Variants in ARL5B observed in about 807,000 individuals in gnomAD.
ARL5B encodes the protein ADP-ribosylation factor-like protein 5B.
ARL5B carries 10 observed loss-of-function variants against 26.9 expected under a neutral mutation model. The ratio of observed to expected loss-of-function variants is 0.37; its 90% CI spans 0.23 to 0.63. ARL5B has a LOEUF of 0.63. Ranked by LOEUF, ARL5B falls within the 30% of genes least tolerant of loss-of-function variation. The pLI is 0.62. For synonymous variants in ARL5B, 87 were observed against 70.4 expected (o/e 1.24, Z -1.18); for missense variants, 167 against 213.9 (o/e 0.78, Z 1.37).
At position 18,675,227 on chromosome 10, in the gene ARL5B, TG is replaced by T. The variant is rs768150470; in HGVS notation, c.*12del. On this transcript the variant is annotated 3_prime_UTR_variant, in exon 6 of 6. Coordinates refer to ENST00000377275, the MANE Select transcript of ARL5B (RefSeq NM_178815.5). ...ATTGGTGTGAGATAACTTTTTTGCT[TG>T]AAAGAGACTGCTCTATTTATTCTGT... is the stretch of plus-strand genomic sequence containing the variant. 6.2e-7 allele frequency: 1 copy of T among 1,611,832 alleles called. No individual in the cohort carries two copies. The highest frequency in any genetic ancestry group is 1.1e-5 in the South Asian group (1 of 91,022).
chr10:18,662,725 A>G (rs912714354), intron 1 of ARL5B, among the ~76,000 whole-genome samples: 3 of 149,038 alleles, frequency 2.0e-5, no homozygotes, highest in African/African-American at 7.4e-5. Context: ...TTTTAATGAG[A>G]TGGAGTCTCA....
rs2059918417 is a variant in ARL5B at position 18,678,246 on chromosome 10, A to G, written c.*3030A>G. The G allele has an allele frequency of 6.6e-6, 1 of 151,882 alleles. No homozygotes were observed. Among genetic ancestry groups the G allele is most frequent in the African/African-American group, 2.4e-5 (1 of 41,438 alleles). The allele number at this position is 151,882 out of a possible 1,614,324, so 9.4% of individuals were successfully genotyped here. The stretch of plus-strand genomic sequence containing the variant: ...TTCTTGTGTTAGTATGCTTAAAGGT[A>G]TCAATACTTTTATTCTATATTCATT... On this transcript the variant is annotated 3_prime_UTR_variant, in exon 6 of 6. Coordinates refer to ENST00000377275, the MANE Select transcript of ARL5B (RefSeq NM_178815.5).
At chr10:18,673,367 C>T (rs180860264) in intron 4 of ARL5B, among the ~76,000 whole-genome samples, 1 of 152,158 alleles carries the variant, frequency 6.6e-6, no homozygotes, top group East Asian at 1.9e-4. Flanking sequence ...GCCTGTATTC[C>T]ATGTTTTTCA....
rs1021465068 is a variant in ARL5B, at chr10:18,659,500, C to T, written c.-138C>T. 1.8e-6 allele frequency: 2 copies of T among 1,139,820 alleles called. No homozygotes were observed. The highest frequency in any genetic ancestry group is 1.7e-5 in the South Asian group (1 of 59,094). 70.6% of individuals were successfully genotyped at this position (1,139,820 alleles called of 1,614,324 possible). On this transcript the variant is annotated 5_prime_UTR_variant, in exon 1 of 6. Transcript: ENST00000377275. ...CGCCTTCTGAGTGGTCGGGTCGAGG[C>T]TTCTCGGCCTAGCAGTGCCCTCGCT...
At chr10:18,672,474 A>G (rs2059892265) in intron 3 of ARL5B, 148 bp from the exon 4 acceptor site, 1 of 524,114 alleles carries the variant, frequency 1.9e-6, no homozygotes, top group Admixed American at 3.5e-5. Flanking sequence ...TCAGTATTAT[A>G]AAAGCTGTTT....
intron 3 of ARL5B, among the ~76,000 whole-genome samples, chr10:18,670,755 T>C (rs2059883522): frequency 6.6e-6 from 1 of 152,204 alleles, no homozygotes; most frequent in African/African-American, 2.4e-5. Context: ...CAAAGTTGAT[T>C]CTAGTGAATC....
chr10:18,668,735 G>A (rs1354238355), intron 3 of ARL5B, 58 bp downstream of exon 3: 8 of 1,501,294 alleles, frequency 5.3e-6, no homozygotes, highest in South Asian at 1.2e-5. Context: ...AACATAGAAA[G>A]TAATTAGGCT....
In ARL5B at chr10:18,681,286, T is replaced by A. The variant is rs2059930947; in HGVS notation, c.*6070T>A. The A allele has an allele frequency of 6.6e-6, 1 of 152,176 alleles. No individual in the cohort carries two copies. Among genetic ancestry groups the A allele is most frequent in the Non-Finnish European group, 1.5e-5 (1 of 68,028 alleles). 9.4% of individuals were successfully genotyped at this position (152,176 alleles called of 1,614,324 possible). On this transcript the variant is annotated 3_prime_UTR_variant, in exon 6 of 6. Transcript: ENST00000377275. ...CAACAAAAAATTTAAAACAAGTAAA[T>A]TAATGCATTCACATGATCACTTCTT...
intron 4 of ARL5B, among the ~76,000 whole-genome samples, chr10:18,673,377 A>T (rs959891551): frequency 2.6e-5 from 4 of 152,072 alleles, no homozygotes; most frequent in Non-Finnish European, 5.9e-5. Context: ...CATGTTTTTC[A>T]AACTTATACT....
chr10:18,666,669 A>C, intron 2 of ARL5B, 34 bp downstream of exon 2: 1 of 1,530,972 alleles, frequency 6.5e-7, no homozygotes, highest in Non-Finnish European at 9.0e-7. Flanking sequence ...AGTTTTCACT[A>C]GTTATTGAAA....
At chr10:18,661,391 G>A (rs2059835797) in intron 1 of ARL5B, among the ~76,000 whole-genome samples, 1 of 152,168 alleles carries the variant, frequency 6.6e-6, no homozygotes, top group Non-Finnish European at 1.5e-5. Context: ...TGTAGATGGT[G>A]ATGAAAGACA....
intron 4 of ARL5B, 122 bp downstream of exon 4, chr10:18,672,827 G>A (rs1225983525): frequency 7.8e-6 from 4 of 511,712 alleles, no homozygotes; most frequent in Non-Finnish European, 1.3e-5. Flanking sequence ...ACAACTTTAT[G>A]TACTAAACTG....
At chr10:18,671,867 G>C (rs2059889255) in intron 3 of ARL5B, among the ~76,000 whole-genome samples, 1 of 152,096 alleles carries the variant, frequency 6.6e-6, no homozygotes, top group African/African-American at 2.4e-5. Context: ...GCCCAAGCTA[G>C]TCTCAAACTC....
intron 1 of ARL5B, among the ~76,000 whole-genome samples, chr10:18,664,913 C>T (rs1326197259): frequency 6.6e-6 from 1 of 152,158 alleles, no homozygotes; most frequent in East Asian, 1.9e-4. Flanking sequence ...ATTTGAGTTG[C>T]TTCAAGAAGG....
intron 3 of ARL5B, 31 bp downstream of exon 3, chr10:18,668,708 C>T: frequency 6.2e-7 from 1 of 1,605,446 alleles, no homozygotes. Flanking sequence ...AATTTTAATC[C>T]AAAGGTCCCT....
intron 5 of ARL5B, among the ~76,000 whole-genome samples, chr10:18,674,421 C>T (rs2059901727): frequency 6.6e-6 from 1 of 152,026 alleles, no homozygotes; most frequent in Non-Finnish European, 1.5e-5. Context: ...TTATCATATA[C>T]TGAGAAAAAA....
intron 1 of ARL5B, among the ~76,000 whole-genome samples, chr10:18,660,116 C>T (rs577806311): frequency 2.6e-5 from 4 of 152,100 alleles, no homozygotes; most frequent in Middle Eastern, 3.4e-3. Flanking sequence ...CAGTTTGAGC[C>T]GTAAGCCAGT....
intron 1 of ARL5B, among the ~76,000 whole-genome samples, chr10:18,663,299 G>A (rs1215798270): frequency 2.0e-5 from 3 of 152,140 alleles, no homozygotes; most frequent in South Asian, 4.1e-4. Flanking sequence ...ACTGCACCTG[G>A]CCAGTTATTT....
At chr10:18,674,680 T>A (rs1470245290) in intron 5 of ARL5B, among the ~76,000 whole-genome samples, 1 of 152,236 alleles carries the variant, frequency 6.6e-6, no homozygotes, top group African/African-American at 2.4e-5. Flanking sequence ...AGTATTATCC[T>A]GTTTATATCA....
Sources: allele counts gnomAD v4.1 joint callset (sites outside exome capture counted in the v4.1 genomes callset), GRCh38; gene constraint gnomAD v4.1.1; transcripts MANE v1.5; gene names NCBI Gene and HGNC (gene_info 2026-07-23, HGNC 2026-07-21).